Variants in GABPB2 observed in about 807,000 individuals in gnomAD.
The protein encoded by GABPB2 is GA-binding protein subunit beta-2.
A neutral mutation model predicts 39.1 loss-of-function variants in GABPB2; 23 were observed. The observed-to-expected ratio is 0.59, with a 90% CI of 0.42 to 0.83. The LOEUF is 0.83. GABPB2 is among the 40% of genes least tolerant of loss of function. The pLI is 0.00. For synonymous variants in GABPB2, 184 were observed against 199.3 expected (o/e 0.92, Z 0.65); for missense variants, 467 against 541.1 (o/e 0.86, Z 1.36).
Position 151,089,268 on chromosome 1 carries a change from C to G in GABPB2, c.108+971C>G, listed in dbSNP as rs1004021510. ...TCACAAAAAGAAAGAAAAGGAAACC[C>G]ATGAAATTAGCATTTCTATAAATAG... On this transcript the variant is annotated intron_variant, in intron 2 of 8. Transcript: ENST00000368918. Among the ~76,000 whole-genome samples the G allele has an allele frequency of 3.0e-4, 46 of 152,104 alleles. 1 individual carries two copies. Among genetic ancestry groups the G allele is most frequent in the Admixed American group, 4.6e-4 (7 of 15,248 alleles).
Position 151,090,588 on chromosome 1 carries a change from G to A in GABPB2, c.276+15G>A. On this transcript the variant is annotated intron_variant, in intron 3 of 8. Coordinates refer to ENST00000368918, the MANE Select transcript of GABPB2 (RefSeq NM_144618.3). The stretch of plus-strand genomic sequence containing the variant: ...TGCTTGTTCGGGTAAAGCAAGAATA[G>A]GGGCAAGGTTATGTTGTTAAAAAGG... The A allele has an allele frequency of 2.5e-6, 4 of 1,612,234 alleles. No individual in the cohort carries two copies. The highest frequency in any genetic ancestry group is 3.4e-6 in the Non-Finnish European group (4 of 1,178,942).
chr1:151,107,313 A>G (rs1312955977), intron 7 of GABPB2, 91 bp downstream of exon 7: 3 of 836,674 alleles, frequency 3.6e-6, no homozygotes, highest in Non-Finnish European at 4.9e-6. Context: ...CAAATAGTGG[A>G]AGTGGGAGAT....
In GABPB2 at chr1:151,119,071, G is replaced by T. The variant is rs748349861; in HGVS notation, c.*815G>T. On this transcript the variant is annotated 3_prime_UTR_variant, in exon 9 of 9. Transcript: ENST00000368918. ...CACACCTGTAATCCCAACACTTTGG[G>T]ACGTTGAAATGGGAGAATTGCTTGA... 2.0e-5 allele frequency: 3 copies of T among 152,252 alleles called. No homozygotes were observed. Among genetic ancestry groups the T allele is most frequent in the Non-Finnish European group, 4.4e-5 (3 of 68,074 alleles). 9.4% of individuals were successfully genotyped at this position (152,252 alleles called of 1,614,324 possible).
chr1:151,106,106 C>T (rs1679942164), intron 6 of GABPB2, among the ~76,000 whole-genome samples: 3 of 151,700 alleles, frequency 2.0e-5, no homozygotes, highest in South Asian at 2.1e-4. Context: ...GGATTACAGG[C>T]GCCCACCAAC....
At chr1:151,079,938 C>T (rs954390322) in intron 1 of GABPB2, among the ~76,000 whole-genome samples, 2 of 151,762 alleles carry the variant, frequency 1.3e-5, no homozygotes, top group African/African-American at 2.4e-5. Flanking sequence ...AAAACATTGC[C>T]GGGCACAGTG....
intron 7 of GABPB2, among the ~76,000 whole-genome samples, chr1:151,109,010 G>T (rs587761800): frequency 5.3e-4 from 80 of 151,948 alleles, no homozygotes; most frequent in Non-Finnish European, 6.6e-4. Flanking sequence ...AACATAGCAA[G>T]ACCCCCTCAT....
At position 151,093,361 on chromosome 1, in the gene GABPB2, A is replaced by T; in HGVS notation, c.446A>T (p.Asn149Ile). 3 of 1,601,900 alleles carry T rather than the reference A, an allele frequency of 1.9e-6. No individual in the cohort carries two copies. Among genetic ancestry groups the T allele is most frequent in the Non-Finnish European group, 2.6e-6 (3 of 1,174,662 alleles). ...SAFDIALEKN[N>I]AEILVILQEA... ...TTTGACATAGCTCTGGAGAAAAACA[A>T]TGCTGAGATTTTGGTCATCCTCCAG... The change falls in exon 4 of 9, where the codon AAT (asparagine) becomes ATT (isoleucine). Residue 149 changes from asparagine to isoleucine, a missense_variant. Coordinates refer to ENST00000368918, the MANE Select transcript of GABPB2 (RefSeq NM_144618.3).
intron 1 of GABPB2, among the ~76,000 whole-genome samples, chr1:151,086,031 G>A (rs1232613066): frequency 6.6e-6 from 1 of 152,128 alleles, no homozygotes; most frequent in East Asian, 1.9e-4. Flanking sequence ...GATTGCTTGA[G>A]CCCAGGAGTT....
intron 1 of GABPB2, among the ~76,000 whole-genome samples, chr1:151,071,151 AG>A (rs1418404423): frequency 1.5e-5 from 2 of 134,190 alleles, no homozygotes; most frequent in South Asian, 2.3e-4. Flanking sequence ...GAGGTGAAGA[AG>A]GGGGTGGGTG....
rs35110350 is a variant in GABPB2, at chr1:151,075,563, C to CAAAA, written c.-1+4653_-1+4656dup. ...TGGGCGACAGAGCGAGACTTTGTCTCAAAAAAAAAAAAAAAAAAAAAAAAA... is the reference window on the plus strand; with the variant it reads ...TGGGCGACAGAGCGAGACTTTGTCTCAAAAAAAAAAAAAAAAAAAAAAAAAAAAA... On this transcript the variant is annotated intron_variant, in intron 1 of 8. Coordinates refer to ENST00000368918, the MANE Select transcript of GABPB2 (RefSeq NM_144618.3). Among the ~76,000 whole-genome samples the CAAAA allele has an allele frequency of 3.3e-3, 145 of 44,254 alleles. 3 individuals are homozygous for CAAAA. Among genetic ancestry groups the CAAAA allele is most frequent in the African/African-American group, 0.012 (133 of 10,662 alleles). The allele number at this position is 44,254 out of a possible 152,430, so 29.0% of individuals were successfully genotyped here.
chr1:151,085,981 C>T (rs904894583), intron 1 of GABPB2, among the ~76,000 whole-genome samples: 1 of 152,114 alleles, frequency 6.6e-6, no homozygotes, highest in Non-Finnish European at 1.5e-5. Flanking sequence ...TGTGGTGGCT[C>T]ACGCCTGTAA....
chr1:151,109,343 A>AATATATATATACACAAAT (rs1553267307), intron 7 of GABPB2, among the ~76,000 whole-genome samples: 178 of 133,116 alleles, frequency 1.3e-3, no homozygotes, highest in African/African-American at 4.7e-3. Context: ...TATATACACA[A>AATATATATATACACAAAT]ATATATATAT....
intron 4 of GABPB2, among the ~76,000 whole-genome samples, chr1:151,095,901 TG>T (rs1359158723): frequency 6.6e-6 from 1 of 151,746 alleles, no homozygotes; most frequent in African/African-American, 2.4e-5. Context: ...GACTTGGTCG[TG>T]GGTGCCTGTA....
At chr1:151,079,217 A>G (rs1449166761) in intron 1 of GABPB2, among the ~76,000 whole-genome samples, 8 of 152,104 alleles carry the variant, frequency 5.3e-5, no homozygotes, top group Non-Finnish European at 1.2e-4. Context: ...GTCATTTAGT[A>G]GTATTGATAT....
intron 1 of GABPB2, among the ~76,000 whole-genome samples, chr1:151,078,306 A>G (rs1365231165): frequency 1.3e-5 from 2 of 149,018 alleles, no homozygotes; most frequent in Non-Finnish European, 3.0e-5. Flanking sequence ...ATAAAAATTC[A>G]TTTTACACTG....
In GABPB2 at chr1:151,090,516, C is replaced by A. The variant is rs1463707855; in HGVS notation, c.219C>A (p.Thr73=). 9 of 1,613,938 alleles carry A rather than the reference C, an allele frequency of 5.6e-6. No individual in the cohort carries two copies. Among genetic ancestry groups the A allele is most frequent in the Admixed American group, 1.7e-5 (1 of 59,970 alleles). The change falls in exon 3 of 9, where the codon ACC becomes ACA. Residue 73 remains threonine, a synonymous_variant. Coordinates refer to ENST00000368918, the MANE Select transcript of GABPB2 (RefSeq NM_144618.3). ...SRDARTKVDR[T]PLHMAAADGH... ...ATGCCCGGACTAAAGTAGACAGGAC[C>A]CCCTTGCACATGGCTGCAGCCGATG... is the stretch of plus-strand genomic sequence containing the variant.
Position 151,121,366 on chromosome 1 carries a change from C to T in GABPB2, c.*3110C>T, listed in dbSNP as rs1311168166. On this transcript the variant is annotated 3_prime_UTR_variant, in exon 9 of 9. Transcript: ENST00000368918. ...TCTGGCTACTTTGTCTTCTTCCTTT[C>T]TCTCCCACTATGCCTACACTTCCTC... is the stretch of plus-strand genomic sequence containing the variant. 2.0e-5 allele frequency: 3 copies of T among 152,190 alleles called. No homozygotes were observed. Among genetic ancestry groups the T allele is most frequent in the African/African-American group, 7.2e-5 (3 of 41,446 alleles). 9.4% of individuals were successfully genotyped at this position (152,190 alleles called of 1,614,324 possible). A position where few individuals can be genotyped will look rare whatever the true frequency, so the allele number is the denominator to read the frequency against.
chr1:151,114,936 GGA>G (rs1269000384), intron 7 of GABPB2, among the ~76,000 whole-genome samples: 2 of 151,982 alleles, frequency 1.3e-5, no homozygotes, highest in African/African-American at 4.8e-5. Context: ...CTTGAACCTG[GGA>G]GGTGGAGGTT....
intron 3 of GABPB2, among the ~76,000 whole-genome samples, chr1:151,090,850 T>C (rs1678618708): frequency 6.6e-6 from 1 of 150,696 alleles, no homozygotes; most frequent in Non-Finnish European, 1.5e-5. Context: ...AAAAAAAAAT[T>C]AGCAGGACGT....
Sources: gnomAD v4.1 joint callset for allele counts (sites outside exome capture counted in the v4.1 genomes callset) on GRCh38, gnomAD v4.1.1 for gene constraint, MANE v1.5 for transcripts, NCBI Gene and HGNC (gene_info 2026-07-23, HGNC 2026-07-21) for gene names.